AKAP6: variants seen among roughly 807,000 people sequenced by gnomAD.
The protein encoded by AKAP6 is A-kinase anchoring protein 6.
In AKAP6, 58 loss-of-function variants were observed where a neutral mutation model predicts 188.5. That is an observed-to-expected ratio of 0.31 (90% CI 0.25 to 0.38). The LOEUF (loss-of-function observed/expected upper bound fraction) is 0.38, where lower values mean the gene tolerates loss of function less well. Ranked by LOEUF, AKAP6 falls within the 10% of genes least tolerant of loss-of-function variation. The pLI is 1.00. For synonymous variants in AKAP6, 989 were observed against 998.6 expected (o/e 0.99, Z 0.18); for missense variants, 2,710 against 2,740.0 (o/e 0.99, Z 0.24).
chr14:32,545,586 T>G lies in AKAP6; in HGVS notation c.933T>G (p.Asn311Lys), dbSNP rs748888278. 2.5e-6 allele frequency: 4 copies of G among 1,614,052 alleles called. No individual in the cohort carries two copies. In the African/African-American group the frequency reaches 5.3e-5, roughly 22 times the overall value. Residue 311 changes from asparagine (N) to lysine (K), a missense_variant, in exon 4 of 14, where the codon AAT (asparagine) becomes AAG (lysine). Physicochemically the swap from Asn to Lys is moderately conservative, Grantham distance 94. Around this residue, in one of 2 missense-constraint regions of AKAP6, gnomAD observed 2,473 missense variants for 2,426.1 expected, o/e 1.02. Transcript: ENST00000280979. ...VDDKGGCEED[N>K]ASAVEEQPGL... ...ACAAAGGTGGATGTGAGGAAGACAA[T>G]GCTTCTGCAGTCGAAGAGCAACCAG...
intron 2 of AKAP6, among the ~76,000 whole-genome samples, chr14:32,458,429 T>C (rs993061801): frequency 2.6e-5 from 4 of 152,186 alleles, no homozygotes; most frequent in Non-Finnish European, 5.9e-5. Context: ...AGAAGCTGTA[T>C]AATTATATAT....
rs376866699 is a variant in AKAP6 at position 32,577,273 on chromosome 14, A to G, written c.2469+31A>G. On this transcript the variant is annotated intron_variant, in intron 5 of 13. Transcript: ENST00000280979. ...CAAGATTGTGTTGTTCTTGCTGTCA[A>G]TAATCAAAGGATTTTAATGTACTGC... is the stretch of plus-strand genomic sequence containing the variant. 2.6e-5 allele frequency: 41 copies of G among 1,595,664 alleles called. No individual in the cohort carries two copies. In the Middle Eastern group the frequency reaches 5.0e-4, roughly 19 times the overall value.
intron 5 of AKAP6, 30 bp from the exon 6 acceptor site, chr14:32,599,380 A>G (rs1484059897): frequency 6.3e-7 from 1 of 1,578,986 alleles, no homozygotes; most frequent in African/African-American, 1.4e-5. Flanking sequence ...CTGCCTTGCC[A>G]GGGTTTAATG....
At chr14:32,591,666 A>G (rs553193375) in intron 5 of AKAP6, among the ~76,000 whole-genome samples, 220 of 129,680 alleles carry the variant, frequency 1.7e-3, no homozygotes, top group African/African-American at 6.2e-3. Context: ...TTTTTTTTTC[A>G]AAAGGAAAAC....
intron 2 of AKAP6, among the ~76,000 whole-genome samples, chr14:32,473,332 C>T (rs1424304370): frequency 1.3e-5 from 2 of 152,128 alleles, no homozygotes; most frequent in South Asian, 2.1e-4. Flanking sequence ...TCACATACAA[C>T]AGGTAATAAT....
At chr14:32,448,179 G>A (rs373771733) in intron 2 of AKAP6, among the ~76,000 whole-genome samples, 33 of 152,234 alleles carry the variant, frequency 2.2e-4, no homozygotes, top group African/African-American at 5.5e-4. Context: ...ACTTTATAAC[G>A]TGGCAATGCC....
chr14:32,810,964 G>A (rs2034209054), intron 12 of AKAP6, among the ~76,000 whole-genome samples: 1 of 152,134 alleles, frequency 6.6e-6, no homozygotes, highest in African/African-American at 2.4e-5. Flanking sequence ...GATTGGCTGG[G>A]TGCGGTGGCT....
At chr14:32,350,621 A>G (rs1887233055) in intron 1 of AKAP6, among the ~76,000 whole-genome samples, 1 of 152,220 alleles carries the variant, frequency 6.6e-6, no homozygotes, top group South Asian at 2.1e-4. Flanking sequence ...TCAGTTTTAT[A>G]CTTTTTACAT....
At chr14:32,444,098 G>A (rs1890679962) in intron 2 of AKAP6, among the ~76,000 whole-genome samples, 1 of 152,100 alleles carries the variant, frequency 6.6e-6, no homozygotes. Flanking sequence ...CTTGATTAAG[G>A]TAGTCATAAA....
intron 9 of AKAP6, among the ~76,000 whole-genome samples, chr14:32,731,082 A>G (rs2031151660): frequency 6.6e-6 from 1 of 152,194 alleles, no homozygotes. Context: ...ATCAACATTC[A>G]TTAATAATAT....
intron 10 of AKAP6, 37 bp from the exon 11 acceptor site, chr14:32,735,621 T>C: frequency 6.9e-7 from 1 of 1,443,082 alleles, no homozygotes; most frequent in Non-Finnish European, 9.4e-7. Flanking sequence ...TTTTTGTTTG[T>C]TTGTTTTATT....
chr14:32,551,834 TA>T (rs1359278796), intron 4 of AKAP6, among the ~76,000 whole-genome samples: 1 of 137,022 alleles, frequency 7.3e-6, no homozygotes, highest in Non-Finnish European at 1.5e-5. Context: ...TAATTTTTTG[TA>T]TTTTTTTTTT....
chr14:32,559,122 A>C (rs1423904140), intron 4 of AKAP6, among the ~76,000 whole-genome samples: 1 of 152,238 alleles, frequency 6.6e-6, no homozygotes, highest in East Asian at 1.9e-4. Context: ...TGCATGAATA[A>C]ATGAGTAGTT....
chr14:32,701,633 T>TA (rs1890624901), intron 9 of AKAP6, among the ~76,000 whole-genome samples: 1 of 152,198 alleles, frequency 6.6e-6, no homozygotes, highest in African/African-American at 2.4e-5. Context: ...GTTGACTTGC[T>TA]ATTTTATAAC....
At chr14:32,435,659 T>C (rs538469995) in intron 2 of AKAP6, among the ~76,000 whole-genome samples, 33 of 152,318 alleles carry the variant, frequency 2.2e-4, no homozygotes, top group Non-Finnish European at 4.4e-4. Context: ...AGTAATTACA[T>C]AGTAGTTACT....
At chr14:32,508,877 G>A (rs1881009524) in intron 2 of AKAP6, among the ~76,000 whole-genome samples, 1 of 151,474 alleles carries the variant, frequency 6.6e-6, no homozygotes, top group Non-Finnish European at 1.5e-5. Flanking sequence ...CCAGGCTGGA[G>A]TGCAGTGGTG....
At chr14:32,818,549 T>C (rs114442353) in intron 12 of AKAP6, among the ~76,000 whole-genome samples, 2,256 of 152,180 alleles carry the variant, frequency 0.015, 56 homozygotes, top group African/African-American at 0.051. Flanking sequence ...TACAAATATA[T>C]TTGATCTGCA....
rs1216788649 is a variant in AKAP6 at position 32,540,131 on chromosome 14, GCT to G, written c.576+4363_576+4364del. ...AAGGAGGGGTGTTCTTTGCTCGTGC[GCT>G]CTCTCTCTCTCTCTCTCTCTCTCTC... On this transcript the variant is annotated intron_variant, in intron 3 of 13. Coordinates refer to ENST00000280979, the MANE Select transcript of AKAP6 (RefSeq NM_004274.5). Among the ~76,000 whole-genome samples the G allele has an allele frequency of 8.9e-3, 590 of 66,386 alleles. 6 individuals are homozygous for G. The highest frequency in any genetic ancestry group is 0.043 in the Middle Eastern group (3 of 70). 43.6% of individuals were successfully genotyped at this position (66,386 alleles called of 152,430 possible). A position where few individuals can be genotyped will look rare whatever the true frequency, so the allele number is the denominator to read the frequency against.
chr14:32,748,725 C>T (rs147991036), intron 11 of AKAP6, among the ~76,000 whole-genome samples: 2 of 152,274 alleles, frequency 1.3e-5, no homozygotes, highest in East Asian at 3.9e-4. Flanking sequence ...TGCCCTTTGA[C>T]CTGGGAAGGA....
Sources: allele counts gnomAD v4.1 joint callset (sites outside exome capture counted in the v4.1 genomes callset), GRCh38; gene constraint gnomAD v4.1.1; regional missense constraint gnomAD v4.1.1; transcripts MANE v1.5; gene names NCBI Gene and HGNC (gene_info 2026-07-23, HGNC 2026-07-21).